The following CHLSN variants were observed in gnomAD, a reference collection of about 807,000 sequenced individuals.
The protein encoded by CHLSN is cholesin, also known as protein cholesin.
At chr7:1,018,980 G>C in the CHLSN span, among the ~76,000 whole-genome samples, 2 of 152,052 alleles carry the variant, frequency 1.3e-5, no homozygotes, top group Non-Finnish European at 2.9e-5. Flanking sequence ...TGGATCATCT[G>C]AGTCAGGAGT....
chr7:1,125,874 A>C, the CHLSN span, among the ~76,000 whole-genome samples: 77 of 152,350 alleles, frequency 5.1e-4, no homozygotes, highest in Non-Finnish European at 9.0e-4. Flanking sequence ...ATCATTTGTG[A>C]AAATTCCTAA....
the CHLSN span, among the ~76,000 whole-genome samples, chr7:1,086,245 G>C: frequency 6.6e-6 from 1 of 152,234 alleles, no homozygotes; most frequent in Non-Finnish European, 1.5e-5. Flanking sequence ...CTATTTTTAA[G>C]TGACATGTCT....
the CHLSN span, chr7:1,092,826 G>A: frequency 6.2e-7 from 1 of 1,613,248 alleles, no homozygotes; most frequent in Non-Finnish European, 8.5e-7. Context: ...GCACCGAGCA[G>A]TCGGATGTGA....
the CHLSN span, chr7:1,092,821 G>A: frequency 8.7e-6 from 14 of 1,613,224 alleles, no homozygotes; most frequent in East Asian, 4.5e-5. Context: ...AGACAGCACC[G>A]AGCAGTCGGA....
chr7:1,008,837 A>G, the CHLSN span, among the ~76,000 whole-genome samples: 1 of 127,386 alleles, frequency 7.9e-6, no homozygotes, highest in African/African-American at 3.3e-5. Flanking sequence ...CAACGTGTAT[A>G]CACACGCACA....
At chr7:1,009,033 A>G in the CHLSN span, among the ~76,000 whole-genome samples, 3,632 of 80,280 alleles carry the variant, frequency 0.045, 143 homozygotes, top group African/African-American at 0.22. Flanking sequence ...GCACACACGT[A>G]CACACATGCA....
the CHLSN span, chr7:1,058,524 C>T: frequency 6.4e-6 from 5 of 775,906 alleles, no homozygotes; most frequent in Non-Finnish European, 9.6e-6. Context: ...GTAGGCGGCC[C>T]AGCCCTCCTG....
chr7:1,057,068 C>G, the CHLSN span, among the ~76,000 whole-genome samples: 2 of 152,140 alleles, frequency 1.3e-5, no homozygotes, highest in Non-Finnish European at 2.9e-5. Context: ...GGGAGGGAGG[C>G]TCAGGGCTGA....
the CHLSN span, chr7:1,092,778 C>G: frequency 6.2e-7 from 1 of 1,613,670 alleles, no homozygotes; most frequent in Non-Finnish European, 8.5e-7. Context: ...CCCTGAACCG[C>G]TTCTGTCACG....
At chr7:1,125,506 G>A in the CHLSN span, among the ~76,000 whole-genome samples, 1 of 152,182 alleles carries the variant, frequency 6.6e-6, no homozygotes, top group African/African-American at 2.4e-5. Context: ...GCACAACTCA[G>A]GGACCCAGTC....
the CHLSN span, among the ~76,000 whole-genome samples, chr7:1,123,929 A>G: frequency 6.6e-6 from 1 of 151,304 alleles, no homozygotes; most frequent in African/African-American, 2.4e-5. The surrounding 1 kb of genome is among the most constrained non-coding windows in gnomAD (Gnocchi z 4.4). Flanking sequence ...CAGCTCCTCC[A>G]AAGGCTAAGG....
the CHLSN span, among the ~76,000 whole-genome samples, chr7:1,065,585 C>T: frequency 6.6e-6 from 1 of 152,198 alleles, no homozygotes; most frequent in Non-Finnish European, 1.5e-5. Flanking sequence ...GTACTGGAGC[C>T]TCTTCAGCAG....
chr7:1,112,538 G>C, the CHLSN span, among the ~76,000 whole-genome samples: 2 of 152,064 alleles, frequency 1.3e-5, no homozygotes, highest in Admixed American at 6.6e-5. Flanking sequence ...GGCCCCACAT[G>C]AAGCCAGGAA....
chr7:1,075,536 A>T, the CHLSN span, among the ~76,000 whole-genome samples: 169 of 150,508 alleles, frequency 1.1e-3, no homozygotes, highest in East Asian at 7.1e-3. Context: ...AAAAAAAATT[A>T]AAAAAAAAGG....
At chr7:1,013,692 A>C in the CHLSN span, among the ~76,000 whole-genome samples, 1 of 152,210 alleles carries the variant, frequency 6.6e-6, no homozygotes, top group Non-Finnish European at 1.5e-5. Context: ...CATGGAAGGA[A>C]GCACCGGCCT....
chr7:1,100,058 C>T, the CHLSN span, among the ~76,000 whole-genome samples: 5 of 152,196 alleles, frequency 3.3e-5, no homozygotes, highest in Non-Finnish European at 5.9e-5. Context: ...TTCTGTGCAC[C>T]GCAAGCCAAA....
the CHLSN span, among the ~76,000 whole-genome samples, chr7:1,130,704 G>A: frequency 1.3e-5 from 2 of 152,210 alleles, no homozygotes; most frequent in African/African-American, 4.8e-5. Flanking sequence ...AGGCTATGTG[G>A]GCCCCGGGCG....
chr7:1,038,582 G>A, the CHLSN span, among the ~76,000 whole-genome samples: 34 of 94,542 alleles, frequency 3.6e-4, no homozygotes, highest in East Asian at 4.5e-3. Flanking sequence ...GGTGAGGGGC[G>A]CCTCTGCCCG....
the CHLSN span, among the ~76,000 whole-genome samples, chr7:1,126,359 CAAAAAAAAAAA>C: frequency 9.9e-5 from 4 of 40,490 alleles, no homozygotes; most frequent in Non-Finnish European, 1.4e-4. Context: ...GACTCTGTCT[CAAAAAAAAAAA>C]AAAAAAAAAA....
Sources: gnomAD v4.1 joint callset for allele counts (sites outside exome capture counted in the v4.1 genomes callset) on GRCh38, gnomAD v4.1.1 for gene constraint, Gnocchi (gnomAD v3.1) non-coding constraint, MANE v1.5 for transcripts, NCBI Gene and HGNC (gene_info 2026-07-23, HGNC 2026-07-21) for gene names.